The following GPR139 variants were observed in gnomAD, a reference collection of about 807,000 sequenced individuals.
GPR139 encodes G protein-coupled receptor 139.
A neutral mutation model predicts 25.8 loss-of-function variants in GPR139; 12 were observed. That is an observed-to-expected ratio of 0.47 (90% CI 0.30 to 0.75). The LOEUF is 0.75. Among genes scored for constraint, GPR139 ranks in the 30% least tolerant of loss-of-function variants. GPR139 has a pLI of 0.07. For synonymous variants in GPR139, 184 were observed against 179.9 expected, an observed-to-expected ratio of 1.02 and a Z score of -0.18; for missense variants, 380 against 450.2, an observed-to-expected ratio of 0.84 and a Z score of 1.41.
chr16:20,057,507 A>ACCAT (rs892849542), intron 1 of GPR139, among the ~76,000 whole-genome samples: 66 of 151,688 alleles, frequency 4.4e-4, no homozygotes, highest in South Asian at 2.1e-3. Context: ...ATCCATCTAT[A>ACCAT]CCATCCATCC....
chr16:20,073,862 C>T lies in GPR139; in HGVS notation c.-246G>A, dbSNP rs1009805808. On this transcript the variant is annotated 5_prime_UTR_variant, in exon 1 of 2. Coordinates refer to ENST00000570682, the MANE Select transcript of GPR139 (RefSeq NM_001002911.4). This position sits in a 1 kb window ranked among gnomAD's most constrained non-coding sequence, Gnocchi z 4.7. ...GGGTGCGGGGCGCGCTGCGCGGGGCCTCGGGAGGGGCTCCCGGAGCCCGTC... is the reference window on the plus strand; with the variant it reads ...GGGTGCGGGGCGCGCTGCGCGGGGCTTCGGGAGGGGCTCCCGGAGCCCGTC... The T allele has an allele frequency of 4.9e-5, 22 of 450,834 alleles. No homozygotes were observed. The highest frequency in any genetic ancestry group is 4.6e-4 in the African/African-American group (22 of 47,950). The allele number at this position is 450,834 out of a possible 1,614,324, so 27.9% of individuals were successfully genotyped here.
At position 20,030,039 on chromosome 16, in the gene GPR139, G is replaced by A. The variant is rs552915774; in HGVS notation, c.*1696C>T. 8.5e-5 allele frequency among the ~76,000 whole-genome samples: 13 copies of A among 152,216 alleles called. No individual in the cohort carries two copies. In the South Asian group the frequency reaches 2.5e-3, roughly 29 times the overall value. The stretch of plus-strand genomic sequence containing the variant: ...TCCTTGGCTCTGATGAGATTCTATT[G>A]CGATCCTTTAAAAGGGGTAAGAATT... On this transcript the variant is annotated 3_prime_UTR_variant, in exon 2 of 2. Coordinates refer to ENST00000570682, the MANE Select transcript of GPR139 (RefSeq NM_001002911.4).
At chr16:20,039,227 G>A (rs2057321849) in intron 1 of GPR139, among the ~76,000 whole-genome samples, 1 of 152,200 alleles carries the variant, frequency 6.6e-6, no homozygotes, top group South Asian at 2.1e-4. Context: ...TTGGGAAGTG[G>A]CTGAGAGAAC....
At chr16:20,051,923 T>C (rs1420998186) in intron 1 of GPR139, among the ~76,000 whole-genome samples, 1 of 152,184 alleles carries the variant, frequency 6.6e-6, no homozygotes, top group Non-Finnish European at 1.5e-5. Flanking sequence ...TGCTGTGTGA[T>C]GTTGGGCAAG....
At position 20,073,392 on chromosome 16, in the gene GPR139, G is replaced by A; in HGVS notation, c.127+98C>T. ...TTAAAGCTTAAACTTTTTCCGAGGG[G>A]GCGCCAGGGAACGCACGGGGGAGGA... On this transcript the variant is annotated intron_variant, in intron 1 of 1. Transcript: ENST00000570682. This position sits in a 1 kb window ranked among gnomAD's most constrained non-coding sequence, Gnocchi z 4.7. 2.0e-6 allele frequency: 3 copies of A among 1,520,234 alleles called. No individual in the cohort carries two copies. Among genetic ancestry groups the A allele is most frequent in the Non-Finnish European group, 2.7e-6 (3 of 1,123,866 alleles). 94.2% of individuals were successfully genotyped at this position (1,520,234 alleles called of 1,614,324 possible). A position where few individuals can be genotyped will look rare whatever the true frequency, so the allele number is the denominator to read the frequency against.
intron 1 of GPR139, among the ~76,000 whole-genome samples, chr16:20,051,447 C>T (rs556253534): frequency 1.2e-4 from 18 of 152,326 alleles, no homozygotes; most frequent in African/African-American, 4.3e-4. Context: ...ATGGGACCCA[C>T]GTTCTCTTGG....
chr16:20,054,927 C>T (rs148089031), intron 1 of GPR139, among the ~76,000 whole-genome samples: 11,509 of 152,166 alleles, frequency 0.076, 544 homozygotes, highest in Non-Finnish European at 0.11. Flanking sequence ...GGGGTTTTGC[C>T]ATGTTGGCTA....
In GPR139 at chr16:20,032,106, AC is replaced by A; in HGVS notation, c.690del (p.Leu230PhefsTer18). Reference protein sequence around the residue: ...GYSTGKTTAILFTITSIFATL... With the variant: ...GYSTGKTTAIXFTITSIFATL... ...GTGGCAAAGATGGAGGTAATGGTGA[AC>A]AAGATGGCGGTGGTCTTCCCCGTGG... On this transcript the variant is annotated frameshift_variant, in exon 2 of 2. Transcript: ENST00000570682. LOFTEE classifies it high-confidence loss of function. 6.2e-7 allele frequency: 1 copy of A among 1,614,200 alleles called. No individual in the cohort carries two copies. Among genetic ancestry groups the A allele is most frequent in the Non-Finnish European group, 8.5e-7 (1 of 1,180,028 alleles).
chr16:20,072,602 TCTCTCTCTCG>T (rs1335955112), intron 1 of GPR139, among the ~76,000 whole-genome samples: 2 of 151,956 alleles, frequency 1.3e-5, no homozygotes, highest in African/African-American at 2.4e-5. Flanking sequence ...AAAAGCTTTC[TCTCTCTCTCG>T]CTCTCTCTCG....
Position 20,028,485 on chromosome 16 carries a change from T to G in GPR139, c.*3250A>C, listed in dbSNP as rs961491761. Among the ~76,000 whole-genome samples, 1 of 152,226 alleles carries G rather than the reference T, an allele frequency of 6.6e-6. No individual in the cohort carries two copies. Among genetic ancestry groups the G allele is most frequent in the South Asian group, 2.1e-4 (1 of 4,832 alleles). On this transcript the variant is annotated 3_prime_UTR_variant, in exon 2 of 2. Coordinates refer to ENST00000570682, the MANE Select transcript of GPR139 (RefSeq NM_001002911.4). ...ATCTAATTAAGAAAATATGAACATT[T>G]GCTTTTTTTCTATGGTAACTTTCTA...
intron 1 of GPR139, among the ~76,000 whole-genome samples, chr16:20,072,132 C>G (rs539345153): frequency 4.2e-4 from 64 of 152,242 alleles, no homozygotes; most frequent in Non-Finnish European, 9.1e-4. Flanking sequence ...CATGTGCTAC[C>G]ACCCCGGCAG....
intron 1 of GPR139, among the ~76,000 whole-genome samples, chr16:20,064,542 AAAC>A (rs1163286321): frequency 2.0e-5 from 3 of 152,218 alleles, no homozygotes; most frequent in Admixed American, 6.5e-5. Flanking sequence ...ACTCTGCCTC[AAAC>A]AACAACAACA....
chr16:20,057,834 A>G (rs372605127), intron 1 of GPR139, among the ~76,000 whole-genome samples: 7 of 152,056 alleles, frequency 4.6e-5, no homozygotes, highest in Non-Finnish European at 1.0e-4. Context: ...CACCACCCTC[A>G]TCTCATTGTA....
chr16:20,048,413 T>A (rs577192534), intron 1 of GPR139, among the ~76,000 whole-genome samples: 1 of 152,260 alleles, frequency 6.6e-6, no homozygotes, highest in African/African-American at 2.4e-5. Context: ...TTCCTTAGGC[T>A]CAAGGTGCTG....
intron 1 of GPR139, among the ~76,000 whole-genome samples, chr16:20,050,843 C>T (rs1047152841): frequency 1.3e-5 from 2 of 152,048 alleles, no homozygotes; most frequent in African/African-American, 4.8e-5. Flanking sequence ...GGGCAGATAG[C>T]TTGAGTCCAG....
At position 20,031,684 on chromosome 16, in the gene GPR139, TC is replaced by T; in HGVS notation, c.*50del. ...TGCTCAGCCATAGGATGGGACACCT[TC>T]CCATCTGGAAATGGATTAGACAGAG... On this transcript the variant is annotated 3_prime_UTR_variant, in exon 2 of 2. Transcript: ENST00000570682. The T allele has an allele frequency of 6.9e-7, 1 of 1,446,318 alleles. No homozygotes were observed. The highest frequency in any genetic ancestry group is 1.2e-5 in the South Asian group (1 of 82,468). The allele number at this position is 1,446,318 out of a possible 1,614,324, so 89.6% of individuals were successfully genotyped here.
At chr16:20,058,410 A>T (rs2057399064) in intron 1 of GPR139, among the ~76,000 whole-genome samples, 1 of 152,122 alleles carries the variant, frequency 6.6e-6, no homozygotes, top group South Asian at 2.1e-4. Context: ...GCAAACTCAA[A>T]TTCCTACAGG....
chr16:20,045,951 G>C (rs895346788), intron 1 of GPR139, among the ~76,000 whole-genome samples: 1 of 152,128 alleles, frequency 6.6e-6, no homozygotes. Flanking sequence ...TGGGTGCGAG[G>C]GGACCAACAG....
At position 20,032,651 on chromosome 16, in the gene GPR139, A is replaced by T; in HGVS notation, c.146T>A (p.Ile49Asn). ...TCTTGCCACCAGCTGGGAGAGGATG[A>T]TCACTGTCAAGATATTTGCTGTGGA... The part of the protein sequence containing the change: ...LGLPANILTV[I>N]ILSQLVARRQ... The change falls in exon 2 of 2, where the codon ATC becomes AAC. Residue 49 changes from isoleucine to asparagine, a missense_variant. Coordinates refer to ENST00000570682, the MANE Select transcript of GPR139 (RefSeq NM_001002911.4). The T allele has an allele frequency of 1.2e-6, 2 of 1,607,400 alleles. No homozygotes were observed. The highest frequency in any genetic ancestry group is 2.2e-5 in the East Asian group (1 of 44,644).
Sources: allele counts gnomAD v4.1 joint callset (sites outside exome capture counted in the v4.1 genomes callset), GRCh38; gene constraint gnomAD v4.1.1; non-coding constraint Gnocchi (gnomAD v3.1); transcripts MANE v1.5; gene names NCBI Gene and HGNC (gene_info 2026-07-23, HGNC 2026-07-21).